Variants in FAM171A1 observed in about 807,000 individuals in gnomAD.
FAM171A1 encodes family with sequence similarity 171 member A1, also known as protein FAM171A1.
FAM171A1 carries 23 observed loss-of-function variants against 74.9 expected under a neutral mutation model. That is an observed-to-expected ratio of 0.31 (90% CI 0.22 to 0.44). The LOEUF (loss-of-function observed/expected upper bound fraction) is 0.44, where lower values mean the gene tolerates loss of function less well. Ranked by LOEUF, FAM171A1 falls within the 20% of genes least tolerant of loss-of-function variation. The pLI, the probability that FAM171A1 is intolerant of heterozygous loss-of-function variation, is 1.00. For synonymous variants in FAM171A1, 527 were observed against 505.7 expected, an observed-to-expected ratio of 1.04 and a Z score of -0.57; for missense variants, 1,162 against 1,159.2, an observed-to-expected ratio of 1.00 and a Z score of -0.03.
chr10:15,287,177 C>T (rs1206106873), intron 1 of FAM171A1, among the ~76,000 whole-genome samples: 3 of 138,966 alleles, frequency 2.2e-5, no homozygotes, highest in Non-Finnish European at 3.0e-5. Context: ...CCGTAAGCTT[C>T]GCCTCCCGGG....
intron 1 of FAM171A1, among the ~76,000 whole-genome samples, chr10:15,310,136 T>A (rs1226531735): frequency 6.6e-6 from 1 of 152,186 alleles, no homozygotes; most frequent in Non-Finnish European, 1.5e-5. Context: ...AGTTTCCAGT[T>A]TCTGTTGCAA....
chr10:15,359,995 T>C (rs888208393), intron 1 of FAM171A1, among the ~76,000 whole-genome samples: 1 of 152,216 alleles, frequency 6.6e-6, no homozygotes, highest in African/African-American at 2.4e-5. Context: ...AGTGCGGTTA[T>C]GTGATCACGG....
intron 1 of FAM171A1, among the ~76,000 whole-genome samples, chr10:15,319,015 C>A (rs976356884): frequency 3.3e-5 from 5 of 152,198 alleles, no homozygotes; most frequent in Admixed American, 2.6e-4. Context: ...AGTGTGACAT[C>A]CACTGCCTTC....
intron 3 of FAM171A1, 72 bp from the exon 4 acceptor site, chr10:15,254,951 G>A (rs943969611): frequency 2.0e-6 from 3 of 1,485,828 alleles, no homozygotes; most frequent in Non-Finnish European, 2.8e-6. Flanking sequence ...AAACCAGGAA[G>A]TGCCTCTCTA....
At chr10:15,354,164 T>TC (rs1835908077) in intron 1 of FAM171A1, among the ~76,000 whole-genome samples, 1 of 152,000 alleles carries the variant, frequency 6.6e-6, no homozygotes, top group South Asian at 2.1e-4. Flanking sequence ...TCCAGATCCC[T>TC]CCCCACCTCT....
At chr10:15,296,082 T>C (rs1835157657) in intron 1 of FAM171A1, among the ~76,000 whole-genome samples, 1 of 152,216 alleles carries the variant, frequency 6.6e-6, no homozygotes, top group South Asian at 2.1e-4. Context: ...TGTTCCAGGA[T>C]GCCTAATGCG....
chr10:15,250,330 C>T (rs973774587), intron 4 of FAM171A1, among the ~76,000 whole-genome samples: 1 of 152,172 alleles, frequency 6.6e-6, no homozygotes, highest in Non-Finnish European at 1.5e-5. Flanking sequence ...CAGAATTTAC[C>T]ATGTTTCTGG....
intron 1 of FAM171A1, among the ~76,000 whole-genome samples, chr10:15,310,174 G>C (rs1356894537): frequency 6.6e-6 from 1 of 152,260 alleles, no homozygotes; most frequent in East Asian, 1.9e-4. Flanking sequence ...GTGCAGACTG[G>C]GGGAAAGTGT....
intron 4 of FAM171A1, among the ~76,000 whole-genome samples, chr10:15,252,206 G>C (rs1038660982): frequency 1.3e-5 from 2 of 152,116 alleles, no homozygotes; most frequent in Admixed American, 1.3e-4. Flanking sequence ...TCCGGTGAGA[G>C]GAGGGGGCCC....
At chr10:15,226,384 A>G (rs1447193730) in intron 5 of FAM171A1, among the ~76,000 whole-genome samples, 2 of 152,160 alleles carry the variant, frequency 1.3e-5, no homozygotes, top group Non-Finnish European at 1.5e-5. Flanking sequence ...TTTCTACATC[A>G]TTGATTGTTA....
In FAM171A1 at chr10:15,301,404, C is replaced by T. The variant is rs58118747; in HGVS notation, c.98-17299G>A. ...TTTTAGTAGAGACAGAGTTTCACCA[C>T]GTTGGCCAGCCTGGTCTTGAACTCC... On this transcript the variant is annotated intron_variant, in intron 1 of 7. Transcript: ENST00000378116. Among the ~76,000 whole-genome samples the T allele has an allele frequency of 2.9e-3, 436 of 150,648 alleles. 2 individuals carry two copies. The highest frequency in any genetic ancestry group is 0.01 in the African/African-American group (414 of 41,070).
rs142748132 is a variant in FAM171A1 at position 15,242,671 on chromosome 10, G to A, written c.754+5968C>T. On this transcript the variant is annotated intron_variant, in intron 5 of 7. Transcript: ENST00000378116. The stretch of plus-strand genomic sequence containing the variant: ...CCAGGTGTGGTGGTGTGTGCCTGTC[G>A]TCCCAGCTACTCAGGGGGCTGAGGT... Among the ~76,000 whole-genome samples, 447 of 152,222 alleles carry A rather than the reference G, an allele frequency of 2.9e-3. 3 individuals are homozygous for A. The highest frequency in any genetic ancestry group is 0.01 in the African/African-American group (426 of 41,522).
chr10:15,301,362 A>ATATATTTT lies in FAM171A1; in HGVS notation c.98-17258_98-17257insAAAATATA, dbSNP rs575709720. Among the ~76,000 whole-genome samples, 12 of 141,560 alleles carry ATATATTTT rather than the reference A, an allele frequency of 8.5e-5. 1 individual carries two copies. The highest frequency in any genetic ancestry group is 4.1e-4 in the East Asian group (2 of 4,844). 92.9% of individuals were successfully genotyped at this position (141,560 alleles called of 152,430 possible). A position where few individuals can be genotyped will look rare whatever the true frequency, so the allele number is the denominator to read the frequency against. On this transcript the variant is annotated intron_variant, in intron 1 of 7. Transcript: ENST00000378116. ...CGCCCAGCTATATATATATATATAT[A>ATATATTTT]TTTTTTTTTTTTGTATTTTTAGTAG...
At chr10:15,327,938 T>A (rs375614490) in intron 1 of FAM171A1, among the ~76,000 whole-genome samples, 12 of 143,212 alleles carry the variant, frequency 8.4e-5, no homozygotes, top group Non-Finnish European at 7.6e-5. Context: ...AAAATAAAAG[T>A]AAAAAAAAAA....
intron 1 of FAM171A1, among the ~76,000 whole-genome samples, chr10:15,301,114 C>T (rs889776243): frequency 3.3e-5 from 5 of 152,174 alleles, no homozygotes; most frequent in Non-Finnish European, 7.3e-5. Context: ...CTCTTAAGTA[C>T]TTCTGCACAT....
chr10:15,275,466 T>G (rs1417188133), intron 3 of FAM171A1, among the ~76,000 whole-genome samples: 1 of 151,958 alleles, frequency 6.6e-6, no homozygotes, highest in African/African-American at 2.4e-5. Flanking sequence ...ATTTTTTTTT[T>G]TTGTATTTTT....
intron 1 of FAM171A1, among the ~76,000 whole-genome samples, chr10:15,367,185 C>T (rs1214076283): frequency 6.6e-6 from 1 of 150,726 alleles, no homozygotes; most frequent in African/African-American, 2.5e-5. Context: ...GGCGACAGAG[C>T]GAGACTCCAT....
chr10:15,343,558 C>T lies in FAM171A1; in HGVS notation c.97+27398G>A, dbSNP rs946846807. On this transcript the variant is annotated intron_variant, in intron 1 of 7. Transcript: ENST00000378116. The stretch of plus-strand genomic sequence containing the variant: ...AGGACGACATCTGAAGGGGACAACA[C>T]CTGATGCTTTAGGAAGAGTGAAAAT... 3.9e-5 allele frequency among the ~76,000 whole-genome samples: 6 copies of T among 152,200 alleles called. No individual in the cohort carries two copies. In the East Asian group the frequency reaches 5.8e-4, roughly 15 times the overall value.
intron 1 of FAM171A1, among the ~76,000 whole-genome samples, chr10:15,300,557 G>A (rs1470670876): frequency 6.6e-6 from 1 of 151,540 alleles, no homozygotes; most frequent in Non-Finnish European, 1.5e-5. Context: ...AATCTCCAAA[G>A]CACCCTTTCC....
Sources: gnomAD v4.1 joint callset for allele counts (sites outside exome capture counted in the v4.1 genomes callset) on GRCh38, gnomAD v4.1.1 for gene constraint, MANE v1.5 for transcripts, NCBI Gene and HGNC (gene_info 2026-07-23, HGNC 2026-07-21) for gene names.